CNTNAP4: variants seen among roughly 807,000 people sequenced by gnomAD.
The protein encoded by CNTNAP4 is contactin-associated protein-like 4.
CNTNAP4 carries 98 observed loss-of-function variants against 148.4 expected under a neutral mutation model. That is an observed-to-expected ratio of 0.66 (90% CI 0.56 to 0.78). The LOEUF (loss-of-function observed/expected upper bound fraction) is 0.78, where lower values mean the gene tolerates loss of function less well. Among genes scored for constraint, CNTNAP4 ranks in the 30% least tolerant of loss-of-function variants. CNTNAP4 has a pLI of 0.00. For missense variants in CNTNAP4, 1,935 were observed against 1,565.6 expected, an observed-to-expected ratio of 1.24 and a Z score of -3.98; for synonymous variants, 730 against 565.1, an observed-to-expected ratio of 1.29 and a Z score of -4.14.
intron 3 of CNTNAP4, among the ~76,000 whole-genome samples, chr16:76,420,279 A>ATATTATAATAATGTATATTCTGTAG (rs1324649016): frequency 6.7e-6 from 1 of 150,214 alleles, no homozygotes. Flanking sequence ...TATAGGAGAT[A>ATATTATAATAATGTATATTCTGTAG]AATATTAATT....
At chr16:76,352,406 G>A (rs1296888512) in intron 2 of CNTNAP4, among the ~76,000 whole-genome samples, 1 of 152,090 alleles carries the variant, frequency 6.6e-6, no homozygotes, top group Non-Finnish European at 1.5e-5. Flanking sequence ...GCTTAATCCT[G>A]AGCTTCCCTG....
chr16:76,388,583 T>C (rs1864011565), intron 3 of CNTNAP4, among the ~76,000 whole-genome samples: 1 of 152,212 alleles, frequency 6.6e-6, no homozygotes, highest in Admixed American at 6.5e-5. Context: ...CTAAAAGTCA[T>C]CTCCTGTAAT....
chr16:76,476,188 C>T, intron 11 of CNTNAP4, 143 bp downstream of exon 11: 1 of 567,884 alleles, frequency 1.8e-6, no homozygotes. Flanking sequence ...ATAAAGTCGT[C>T]AAGATAGCCT....
At chr16:76,435,820 C>A (rs946602831) in intron 4 of CNTNAP4, among the ~76,000 whole-genome samples, 2 of 152,122 alleles carry the variant, frequency 1.3e-5, no homozygotes, top group African/African-American at 4.8e-5. Flanking sequence ...TTTTAAAACT[C>A]CCTAAGCTGC....
chr16:76,286,483 TTTA>T (rs779953925), intron 1 of CNTNAP4, among the ~76,000 whole-genome samples: 6 of 152,118 alleles, frequency 3.9e-5, no homozygotes, highest in Non-Finnish European at 7.4e-5. Context: ...CTCAAAGATC[TTTA>T]TTTTCTAGGA....
intron 1 of CNTNAP4, among the ~76,000 whole-genome samples, chr16:76,307,959 C>T (rs995284654): frequency 1.3e-5 from 2 of 152,102 alleles, no homozygotes; most frequent in South Asian, 4.1e-4. Flanking sequence ...AGAGAATTAA[C>T]AGTTATATAT....
At chr16:76,333,742 A>G (rs373989537) in intron 2 of CNTNAP4, among the ~76,000 whole-genome samples, 4 of 144,934 alleles carry the variant, frequency 2.8e-5, no homozygotes, top group East Asian at 2.0e-4. Flanking sequence ...CTCTTCCTCC[A>G]TAAAGGGTCT....
intron 1 of CNTNAP4, among the ~76,000 whole-genome samples, chr16:76,301,809 C>G (rs1959999874): frequency 6.6e-6 from 1 of 152,090 alleles, no homozygotes; most frequent in African/African-American, 2.4e-5. Context: ...GTGGCATGAT[C>G]TAAGGCATGG....
chr16:76,425,256 C>T (rs1000767339), intron 3 of CNTNAP4, among the ~76,000 whole-genome samples: 1 of 152,144 alleles, frequency 6.6e-6, no homozygotes, highest in African/African-American at 2.4e-5. Context: ...TTGAGATGCG[C>T]TAGGTAAGTG....
intron 15 of CNTNAP4, among the ~76,000 whole-genome samples, chr16:76,517,105 C>T (rs576454586): frequency 6.6e-6 from 1 of 152,054 alleles, no homozygotes; most frequent in Admixed American, 6.5e-5. Flanking sequence ...GTAAGCCAGT[C>T]TCAAAAGACT....
At chr16:76,346,289 C>T (rs533923865) in intron 2 of CNTNAP4, among the ~76,000 whole-genome samples, 6 of 151,974 alleles carry the variant, frequency 3.9e-5, no homozygotes, top group Admixed American at 3.3e-4. Context: ...ATACTATGCC[C>T]TAGTAATGCC....
intron 4 of CNTNAP4, among the ~76,000 whole-genome samples, chr16:76,444,992 C>T (rs1358049436): frequency 6.6e-6 from 1 of 152,170 alleles, no homozygotes; most frequent in African/African-American, 2.4e-5. Flanking sequence ...CTCACTCCTA[C>T]TCTGAGTACT....
At chr16:76,280,767 A>C (rs1328674541) in intron 1 of CNTNAP4, among the ~76,000 whole-genome samples, 1 of 152,252 alleles carries the variant, frequency 6.6e-6, no homozygotes, top group South Asian at 2.1e-4. Flanking sequence ...TTTGCTTGCT[A>C]CTAAGAGACA....
At chr16:76,522,653 T>TTC (rs2083514586) in intron 17 of CNTNAP4, among the ~76,000 whole-genome samples, 2 of 75,774 alleles carry the variant, frequency 2.6e-5, no homozygotes, top group Non-Finnish European at 5.8e-5. Context: ...TTCTTTTCTC[T>TTC]CTTTCTCTCT....
At chr16:76,395,407 A>C (rs2078165662) in intron 3 of CNTNAP4, among the ~76,000 whole-genome samples, 1 of 151,780 alleles carries the variant, frequency 6.6e-6, no homozygotes, top group African/African-American at 2.4e-5. Flanking sequence ...CTGGGATTAC[A>C]GGCACGTGCC....
chr16:76,290,894 C>T (rs1324918387), intron 1 of CNTNAP4, among the ~76,000 whole-genome samples: 6 of 152,124 alleles, frequency 3.9e-5, no homozygotes, highest in African/African-American at 9.7e-5. Flanking sequence ...TTTGGTGTAG[C>T]CTCTCCTCCT....
intron 3 of CNTNAP4, among the ~76,000 whole-genome samples, chr16:76,398,919 T>A (rs1266868057): frequency 1.3e-5 from 2 of 152,028 alleles, no homozygotes; most frequent in African/African-American, 4.8e-5. Flanking sequence ...TGAATTGTAA[T>A]AATCCCCCCT....
intron 12 of CNTNAP4, among the ~76,000 whole-genome samples, chr16:76,488,632 G>T (rs1422411691): frequency 6.6e-6 from 1 of 152,154 alleles, no homozygotes; most frequent in African/African-American, 2.4e-5. Context: ...ATATTCCTCT[G>T]TATTACAGAA....
intron 15 of CNTNAP4, among the ~76,000 whole-genome samples, chr16:76,501,560 C>T (rs552829776): frequency 1.3e-5 from 2 of 152,256 alleles, no homozygotes; most frequent in African/African-American, 2.4e-5. Context: ...TGGCAGTGTT[C>T]GGAGACATTG....
Sources: gnomAD v4.1 joint callset for allele counts (sites outside exome capture counted in the v4.1 genomes callset) on GRCh38, gnomAD v4.1.1 for gene constraint, MANE v1.5 for transcripts, NCBI Gene and HGNC (gene_info 2026-07-23, HGNC 2026-07-21) for gene names.